The following TTC34 variants were observed in gnomAD, a reference collection of about 807,000 sequenced individuals.
TTC34 encodes tetratricopeptide repeat domain 34.
Under a neutral mutation model 40.7 loss-of-function variants are expected in TTC34, and 44 were observed. The ratio of observed to expected loss-of-function variants is 1.08; its 90% CI spans 0.85 to 1.39. The LOEUF (loss-of-function observed/expected upper bound fraction) is 1.39. Ranked by LOEUF, TTC34 falls within the 40% of genes most tolerant of loss-of-function variation. The pLI, the probability that TTC34 is intolerant of heterozygous loss-of-function variation, is 0.00. For synonymous variants in TTC34, 422 were observed against 398.6 expected (o/e 1.06, Z -0.70); for missense variants, 884 against 838.0 (o/e 1.05, Z -0.68).
chr1:2,755,872 G>A (rs1197541172), intron 6 of TTC34, among the ~76,000 whole-genome samples: 1 of 79,116 alleles, frequency 1.3e-5, no homozygotes, highest in Non-Finnish European at 2.2e-5. Flanking sequence ...ACACTCACGC[G>A]AGCACCTGAC....
chr1:2,784,971 A>ACTCTGGGCCGCTCTGGGCTG (rs1212463036), intron 5 of TTC34, among the ~76,000 whole-genome samples: 1 of 49,714 alleles, frequency 2.0e-5, no homozygotes, highest in Admixed American at 1.9e-4. Flanking sequence ...GCTCTGGGCC[A>ACTCTGGGCCGCTCTGGGCTG]CTCTGGGCCG....
At chr1:2,785,119 C>T (rs920499274) in intron 5 of TTC34, among the ~76,000 whole-genome samples, 10 of 152,220 alleles carry the variant, frequency 6.6e-5, no homozygotes, top group Admixed American at 2.0e-4. Flanking sequence ...ACATGGGCAA[C>T]GCTGCCATCC....
At chr1:2,649,830 T>C (rs1409411160) in intron 6 of TTC34, among the ~76,000 whole-genome samples, 1 of 152,032 alleles carries the variant, frequency 6.6e-6, no homozygotes, top group African/African-American at 2.4e-5. Flanking sequence ...CTGACAGTTT[T>C]AAATGGCACC....
intron 6 of TTC34, among the ~76,000 whole-genome samples, chr1:2,773,067 A>ACAGCCTGGAGCAGC (rs1642538476): frequency 6.6e-6 from 1 of 151,030 alleles, no homozygotes; most frequent in Non-Finnish European, 1.5e-5. Flanking sequence ...CCCCCAGGTG[A>ACAGCCTGGAGCAGC]GCCTCTGACA....
intron 6 of TTC34, among the ~76,000 whole-genome samples, chr1:2,769,596 G>T (rs1354233601): frequency 3.1e-5 from 4 of 129,352 alleles, no homozygotes; most frequent in African/African-American, 1.2e-4. Context: ...ACACCTCCAG[G>T]GGGAGCATCT....
intron 6 of TTC34, among the ~76,000 whole-genome samples, chr1:2,683,832 A>T (rs1640194487): frequency 6.7e-6 from 1 of 149,926 alleles, no homozygotes; most frequent in Non-Finnish European, 1.5e-5. Flanking sequence ...CAGCACCCAC[A>T]CCCCCAGGTG....
At chr1:2,652,438 C>G (rs1378977028) in intron 6 of TTC34, among the ~76,000 whole-genome samples, 1 of 151,896 alleles carries the variant, frequency 6.6e-6, no homozygotes. Flanking sequence ...TGGAACAGCA[C>G]CCACACCCCC....
intron 6 of TTC34, among the ~76,000 whole-genome samples, chr1:2,684,319 C>A (rs1640218133): frequency 1.5e-5 from 2 of 137,018 alleles, no homozygotes; most frequent in South Asian, 4.6e-4. Flanking sequence ...CCCACACCCC[C>A]AAGTGAGCAT....
At chr1:2,693,227 C>T (rs1460217281) in intron 6 of TTC34, among the ~76,000 whole-genome samples, 2 of 118,852 alleles carry the variant, frequency 1.7e-5, no homozygotes, top group African/African-American at 3.2e-5. Flanking sequence ...AACCCACACC[C>T]ACAGGTGAGC....
At chr1:2,657,352 C>T (rs1432737356) in intron 6 of TTC34, among the ~76,000 whole-genome samples, 33 of 97,640 alleles carry the variant, frequency 3.4e-4, no homozygotes, top group Non-Finnish European at 4.9e-4. Flanking sequence ...CCAAGGTGAG[C>T]ATCTGACAAC....
intron 6 of TTC34, among the ~76,000 whole-genome samples, chr1:2,753,036 C>T (rs1641376853): frequency 6.6e-6 from 1 of 151,470 alleles, no homozygotes; most frequent in African/African-American, 2.4e-5. Flanking sequence ...CATCCGACAG[C>T]CTGGAGCAGC....
At chr1:2,649,558 T>G (rs1356068066) in intron 6 of TTC34, among the ~76,000 whole-genome samples, 1 of 152,022 alleles carries the variant, frequency 6.6e-6, no homozygotes, top group East Asian at 1.9e-4. Context: ...TGTTTTATTT[T>G]GAGATGGAGT....
intron 6 of TTC34, among the ~76,000 whole-genome samples, chr1:2,688,414 A>G (rs796625262): frequency 3.2e-3 from 478 of 149,530 alleles, no homozygotes; most frequent in Middle Eastern, 0.011. Context: ...CCACACCCCC[A>G]GGTGAGCATC....
chr1:2,784,362 T>G (rs1192975990), intron 5 of TTC34, among the ~76,000 whole-genome samples: 1 of 152,152 alleles, frequency 6.6e-6, no homozygotes, highest in Non-Finnish European at 1.5e-5. Flanking sequence ...ACCAGGAGTA[T>G]GGGAGGAACA....
At chr1:2,681,625 C>G (rs1160156762) in intron 6 of TTC34, among the ~76,000 whole-genome samples, 2 of 75,978 alleles carry the variant, frequency 2.6e-5, no homozygotes, top group African/African-American at 8.9e-5. Context: ...CGCAGCCACA[C>G]CCCCAGCGAG....
At chr1:2,681,168 G>T (rs1392471396) in intron 6 of TTC34, among the ~76,000 whole-genome samples, 2 of 123,972 alleles carry the variant, frequency 1.6e-5, no homozygotes, top group African/African-American at 6.7e-5. Context: ...CTGACAACCT[G>T]GAGCAGCACC....
intron 6 of TTC34, among the ~76,000 whole-genome samples, chr1:2,685,728 C>T (rs61763541): frequency 4.5e-5 from 1 of 22,322 alleles, no homozygotes; most frequent in Non-Finnish European, 8.6e-5. Context: ...CCCCCAGGTG[C>T]GCATCTGATG....
chr1:2,776,207 G>A (rs1643146992), intron 6 of TTC34: 1 of 110,120 alleles, frequency 9.1e-6, no homozygotes, highest in Admixed American at 8.5e-5. Flanking sequence ...ACTCCACACA[G>A]CCAGGTGAGC....
In TTC34 at chr1:2,754,706, C is replaced by A. The variant is rs1402361466; in HGVS notation, c.2226+28903G>T. 3.8e-3 allele frequency among the ~76,000 whole-genome samples: 213 copies of A among 55,672 alleles called. 6 individuals carry two copies. The highest frequency in any genetic ancestry group is 0.019 in the African/African-American group (191 of 10,028). The allele number at this position is 55,672 out of a possible 152,430, so 36.5% of individuals were successfully genotyped here. A position where few individuals can be genotyped will look rare whatever the true frequency, so the allele number is the denominator to read the frequency against. On this transcript the variant is annotated intron_variant, in intron 6 of 8. Transcript: ENST00000401095. ...AAGGAGCAGCACCCACACCTCCAGG[C>A]GAGCATCCGACAGCCTGGAGCAGCA...
Sources: allele counts gnomAD v4.1 joint callset (sites outside exome capture counted in the v4.1 genomes callset), GRCh38; gene constraint gnomAD v4.1.1; transcripts MANE v1.5; gene names NCBI Gene and HGNC (gene_info 2026-07-23, HGNC 2026-07-21).